KIF21A: variants seen among roughly 807,000 people sequenced by gnomAD.
The protein encoded by KIF21A is kinesin family member 21A.
KIF21A carries 114 observed loss-of-function variants against 202.9 expected under a neutral mutation model. That is an observed-to-expected ratio of 0.56 (90% confidence interval 0.48 to 0.66). KIF21A has a LOEUF of 0.66. KIF21A is among the 30% of genes least tolerant of loss of function. The pLI, the probability that KIF21A is intolerant of heterozygous loss-of-function variation, is 0.00. For synonymous variants in KIF21A, 667 were observed against 670.8 expected (o/e 0.99, Z 0.09); for missense variants, 1,677 against 1,994.9 (o/e 0.84, Z 3.04).
intron 21 of KIF21A, chr12:39,331,997 A>C (rs956728115): frequency 7.6e-6 from 5 of 661,442 alleles, no homozygotes; most frequent in Non-Finnish European, 1.3e-5. Context: ...GTGGGATGTA[A>C]AGATGACCCA....
intron 35 of KIF21A, among the ~76,000 whole-genome samples, chr12:39,304,503 G>A (rs1450588576): frequency 1.3e-5 from 2 of 152,076 alleles, no homozygotes; most frequent in African/African-American, 2.4e-5. Flanking sequence ...TACCTTATCT[G>A]TTAATTTCAT....
intron 1 of KIF21A, among the ~76,000 whole-genome samples, chr12:39,397,539 C>T (rs539041213): frequency 5.3e-5 from 8 of 152,190 alleles, no homozygotes; most frequent in Non-Finnish European, 8.8e-5. Context: ...TGTGATTGCT[C>T]TTTTCTCTGC....
intron 1 of KIF21A, among the ~76,000 whole-genome samples, chr12:39,379,915 T>C (rs1383451754): frequency 6.6e-6 from 1 of 152,234 alleles, no homozygotes; most frequent in African/African-American, 2.4e-5. Flanking sequence ...CTGTTTCCTA[T>C]TGAGATCCTG....
intron 1 of KIF21A, among the ~76,000 whole-genome samples, chr12:39,388,375 G>T (rs1187298313): frequency 6.6e-6 from 1 of 152,176 alleles, no homozygotes; most frequent in Non-Finnish European, 1.5e-5. Flanking sequence ...GCTTCTTACA[G>T]CGCGCAGAAC....
intron 34 of KIF21A, among the ~76,000 whole-genome samples, chr12:39,307,199 T>C (rs997694130): frequency 1.3e-5 from 2 of 152,142 alleles, no homozygotes; most frequent in Admixed American, 1.3e-4. Flanking sequence ...AGATATAAGA[T>C]GTTTAAACGA....
chr12:39,294,119 T>G lies in KIF21A; in HGVS notation c.*305A>C, dbSNP rs1263416932. On this transcript the variant is annotated 3_prime_UTR_variant, in exon 38 of 38. Coordinates refer to ENST00000361418, the MANE Select transcript of KIF21A (RefSeq NM_001173464.2). Reference sequence around the variant, plus strand: ...TCTGACTGTCACAAAAGCAGACGTCTTGGTAATTCAAATAATTTGAAAGTG... The same window carrying G: ...TCTGACTGTCACAAAAGCAGACGTCGTGGTAATTCAAATAATTTGAAAGTG... 3.5e-6 allele frequency: 1 copy of G among 282,924 alleles called. No homozygotes were observed. Among genetic ancestry groups the G allele is most frequent in the Non-Finnish European group, 6.7e-6 (1 of 148,244 alleles). 17.5% of individuals were successfully genotyped at this position (282,924 alleles called of 1,614,324 possible). A position where few individuals can be genotyped will look rare whatever the true frequency, so the allele number is the denominator to read the frequency against.
intron 1 of KIF21A, among the ~76,000 whole-genome samples, chr12:39,391,271 T>C (rs1477886992): frequency 6.6e-6 from 1 of 152,150 alleles, no homozygotes; most frequent in Non-Finnish European, 1.5e-5. Flanking sequence ...AGGTAGCAAA[T>C]AGCAAGTTTG....
intron 28 of KIF21A, 77 bp from the exon 29 acceptor site, chr12:39,318,278 CT>C: frequency 7.0e-7 from 1 of 1,426,766 alleles, no homozygotes; most frequent in Non-Finnish European, 9.8e-7. Context: ...GAAACATGCT[CT>C]TTTAAAAAAA....
At chr12:39,391,310 T>G (rs1367306737) in intron 1 of KIF21A, among the ~76,000 whole-genome samples, 1 of 152,166 alleles carries the variant, frequency 6.6e-6, no homozygotes, top group Non-Finnish European at 1.5e-5. Flanking sequence ...AAAAAAAATT[T>G]TTTTTTTCAC....
At chr12:39,416,865 A>ATATATAGATATGTACATATATATATGTG (rs1418379856) in intron 1 of KIF21A, among the ~76,000 whole-genome samples, 9 of 146,810 alleles carry the variant, frequency 6.1e-5, no homozygotes, top group East Asian at 2.0e-4. Context: ...ATATATGTGT[A>ATATATAGATATGTACATATATATATGTG]TATATAGATA....
intron 1 of KIF21A, among the ~76,000 whole-genome samples, chr12:39,405,975 T>G (rs774442245): frequency 6.3e-4 from 96 of 152,192 alleles, no homozygotes; most frequent in Non-Finnish European, 1.0e-3. Context: ...CCCCTTTAGC[T>G]TATATGTAAA....
At chr12:39,337,237 ACT>A (rs767521387) in intron 16 of KIF21A, 34 bp from the exon 17 acceptor site, 5 of 1,288,024 alleles carry the variant, frequency 3.9e-6, no homozygotes, top group Non-Finnish European at 5.6e-6. Flanking sequence ...TATTGAAATT[ACT>A]CTGTCACAAC....
chr12:39,337,437 G>A (rs985489803), intron 16 of KIF21A: 10 of 472,256 alleles, frequency 2.1e-5, no homozygotes, highest in Admixed American at 3.6e-5. Context: ...TCAATATTCA[G>A]TTGTTCTGCA....
rs1397689736 is a variant in KIF21A, at chr12:39,442,715, C to T, written c.44+212G>A. ...GCCGCCAGCCACCTGCAAACACAGA[C>T]GGCGTGAGGGCGGCGCAGTCGCCCT... is the stretch of plus-strand genomic sequence containing the variant. On this transcript the variant is annotated intron_variant, in intron 1 of 37. Transcript: ENST00000361418. This position sits in a 1 kb window ranked among gnomAD's most constrained non-coding sequence, Gnocchi z 5.0. Among the ~76,000 whole-genome samples the T allele has an allele frequency of 6.6e-6, 1 of 152,166 alleles. No individual in the cohort carries two copies. The highest frequency in any genetic ancestry group is 2.4e-5 in the African/African-American group (1 of 41,448).
rs186479281 is a variant in KIF21A at position 39,438,835 on chromosome 12, A to G, written c.44+4092T>C. 3.9e-5 allele frequency among the ~76,000 whole-genome samples: 6 copies of G among 152,350 alleles called. No individual in the cohort carries two copies. In the East Asian group the frequency reaches 9.6e-4, roughly 24 times the overall value. On this transcript the variant is annotated intron_variant, in intron 1 of 37. Transcript: ENST00000361418. ...GTGTCAGAAGAGATAAGGAAGAGAA[A>G]GGAACACATCCTCTCATAATGTATT... is the stretch of plus-strand genomic sequence containing the variant.
At chr12:39,399,215 T>C (rs1348621998) in intron 1 of KIF21A, among the ~76,000 whole-genome samples, 1 of 152,212 alleles carries the variant, frequency 6.6e-6, no homozygotes, top group Non-Finnish European at 1.5e-5. Flanking sequence ...ATAACAATTA[T>C]TTACATAGCA....
intron 1 of KIF21A, among the ~76,000 whole-genome samples, chr12:39,421,650 G>A (rs559220075): frequency 4.6e-5 from 7 of 150,588 alleles, no homozygotes; most frequent in South Asian, 2.1e-4. Context: ...CCAGGGCTGC[G>A]CCACTGCACT....
rs751475034 is a variant in KIF21A at position 39,322,727 on chromosome 12, A to T, written c.3612T>A (p.Thr1204=). 1 of 1,614,144 alleles carries T rather than the reference A, an allele frequency of 6.2e-7. No individual in the cohort carries two copies. Among genetic ancestry groups the T allele is most frequent in the Non-Finnish European group, 8.5e-7 (1 of 1,180,006 alleles). The change falls in exon 27 of 38, where the codon ACT becomes ACA. Residue 1204 remains threonine (T), a synonymous_variant. Transcript: ENST00000361418. ...EIGMNTETSG[T]SAREKELSPP... ...GAGAGAGCTCTTTTTCCCTAGCAGAAGTACCACTTGTCTCTGTATTCATTC... is the reference window on the plus strand; with the variant it reads ...GAGAGAGCTCTTTTTCCCTAGCAGATGTACCACTTGTCTCTGTATTCATTC...
intron 16 of KIF21A, 61 bp from the exon 17 acceptor site, chr12:39,337,264 C>A: frequency 9.6e-7 from 1 of 1,037,928 alleles, no homozygotes; most frequent in South Asian, 1.3e-5. Context: ...ATTAAATCAA[C>A]CACATATATG....
Sources: allele counts gnomAD v4.1 joint callset (sites outside exome capture counted in the v4.1 genomes callset), GRCh38; gene constraint gnomAD v4.1.1; non-coding constraint Gnocchi (gnomAD v3.1); transcripts MANE v1.5; gene names NCBI Gene and HGNC (gene_info 2026-07-23, HGNC 2026-07-21).